TMEM43: variants seen among roughly 807,000 people sequenced by gnomAD.
The protein encoded by TMEM43 is transmembrane protein 43.
Under a neutral mutation model 49.6 loss-of-function variants are expected in TMEM43, and 45 were observed. The ratio of observed to expected loss-of-function variants is 0.91; its 90% CI spans 0.71 to 1.16. The LOEUF is 1.16. TMEM43 is among the 50% of genes most tolerant of loss of function. The probability of loss-of-function intolerance (pLI) is 0.00; values close to 1 mark genes in which losing one functional copy is unlikely to be tolerated. For missense variants in TMEM43, 532 were observed against 516.6 expected (o/e 1.03, Z -0.29); for synonymous variants, 199 against 207.8 (o/e 0.96, Z 0.36).
At position 14,141,910 on chromosome 3, in the gene TMEM43, T is replaced by C. The variant is rs1043943; in HGVS notation, c.*115T>C. On this transcript the variant is annotated 3_prime_UTR_variant, in exon 12 of 12. Transcript: ENST00000306077. ...CCCCGGTCAATTTTGGACTCTGCAC[T>C]CCCTCTCCTCTTCAGGGGCCAGACT... is the stretch of plus-strand genomic sequence containing the variant. 639,600 of 1,027,674 alleles carry C rather than the reference T, an allele frequency of 0.62. 201,380 individuals carry two copies. Among genetic ancestry groups the C allele is most frequent in the African/African-American group, 0.73 (45,810 of 62,560 alleles). 63.7% of individuals were successfully genotyped at this position (1,027,674 alleles called of 1,614,324 possible). A position where few individuals can be genotyped will look rare whatever the true frequency, so the allele number is the denominator to read the frequency against.
At position 14,129,277 on chromosome 3, in the gene TMEM43, CTG is replaced by C. The variant is rs371564726; in HGVS notation, c.13-129_13-128del. The stretch of plus-strand genomic sequence containing the variant: ...ACCTGCCAAACTGTACATTGAATAT[CTG>C]TGTGTTTTTACCACATACAGTTAAA... On this transcript the variant is annotated intron_variant, in intron 1 of 11. Coordinates refer to ENST00000306077, the MANE Select transcript of TMEM43 (RefSeq NM_024334.3). The C allele has an allele frequency of 7.6e-4, 491 of 643,456 alleles. 4 individuals carry two copies. In the African/African-American group the frequency reaches 0.011, roughly 14 times the overall value. 39.9% of individuals were successfully genotyped at this position (643,456 alleles called of 1,614,324 possible).
chr3:14,130,873 G>T lies in TMEM43; in HGVS notation c.214G>T (p.Val72Leu). The T allele has an allele frequency of 6.2e-7, 1 of 1,613,824 alleles. No individual in the cohort carries two copies. The highest frequency in any genetic ancestry group is 8.5e-7 in the Non-Finnish European group (1 of 1,179,846). ...TSLAEGLSLVVSPDSIHSVAP... is the reference protein window; with the variant it reads ...TSLAEGLSLVLSPDSIHSVAP... ...ATTGGCTGAGGGGCTCTCGCTTGTG[G>T]TGTCTCCCGACAGCATCCACAGTGT... The change falls in exon 3 of 12, where the codon GTG becomes TTG. Residue 72 changes from valine (V) to leucine (L), a missense_variant. Physicochemically the swap from Val to Leu is conservative, Grantham distance 32. Transcript: ENST00000306077.
intron 10 of TMEM43, among the ~76,000 whole-genome samples, chr3:14,137,686 C>T (rs1695188130): frequency 6.6e-6 from 1 of 152,236 alleles, no homozygotes; most frequent in Non-Finnish European, 1.5e-5. Context: ...GCACTGCCTC[C>T]CACCTGCTAC....
chr3:14,130,702 G>T (rs878927659), intron 2 of TMEM43, 120 bp from the exon 3 acceptor site: 9 of 1,312,784 alleles, frequency 6.9e-6, no homozygotes, highest in Non-Finnish European at 8.4e-6. Flanking sequence ...CCAACTGTAC[G>T]GTGGGGAGAT....
chr3:14,133,641 A>T, intron 6 of TMEM43, 98 bp from the exon 7 acceptor site: 1 of 1,105,232 alleles, frequency 9.0e-7, no homozygotes, highest in South Asian at 1.2e-5. Flanking sequence ...ACTTGCAGGA[A>T]CCCCCGGGTG....
intron 1 of TMEM43, 23 bp downstream of exon 1, chr3:14,125,228 G>A (rs1574934786): frequency 1.2e-6 from 2 of 1,603,606 alleles, no homozygotes; most frequent in Non-Finnish European, 1.7e-6. Flanking sequence ...GGGCCAGCCG[G>A]GCCACACCCA....
At chr3:14,135,733 G>T in intron 9 of TMEM43, 74 bp from the exon 10 acceptor site, 5 of 1,313,978 alleles carry the variant, frequency 3.8e-6, no homozygotes, top group Non-Finnish European at 5.4e-6. Context: ...AGTCCCGGGA[G>T]GGTGGGCCAT....
intron 11 of TMEM43, among the ~76,000 whole-genome samples, chr3:14,140,352 G>T (rs1419081632): frequency 1.3e-5 from 2 of 152,070 alleles, no homozygotes; most frequent in Non-Finnish European, 2.9e-5. Flanking sequence ...CCCTTCTTTG[G>T]ATCTCTGATG....
intron 1 of TMEM43, 91 bp downstream of exon 1, chr3:14,125,296 T>C: frequency 1.4e-6 from 2 of 1,476,036 alleles, no homozygotes; most frequent in Admixed American, 2.0e-5. Flanking sequence ...TTTCGCCGCC[T>C]GGAGCTCCTC....
At chr3:14,125,960 C>T (rs776365740) in intron 1 of TMEM43, among the ~76,000 whole-genome samples, 1 of 152,148 alleles carries the variant, frequency 6.6e-6, no homozygotes, top group African/African-American at 2.4e-5. Flanking sequence ...TGGTGACTCA[C>T]CTCTCCCCTC....
rs1261766967 is a variant in TMEM43 at position 14,143,586 on chromosome 3, ATAATGT to A, written c.*1795_*1800del. The A allele has an allele frequency of 2.6e-5, 4 of 152,256 alleles. No homozygotes were observed. Among genetic ancestry groups the A allele is most frequent in the Non-Finnish European group, 4.4e-5 (3 of 68,048 alleles). The allele number at this position is 152,256 out of a possible 1,614,324, so 9.4% of individuals were successfully genotyped here. ...TTCAAAAGTGTTCTTAAAACGAAAG[ATAATGT>A]TAAGAAAAATTTGAAAGCTTTGGAA... On this transcript the variant is annotated 3_prime_UTR_variant, in exon 12 of 12. Coordinates refer to ENST00000306077, the MANE Select transcript of TMEM43 (RefSeq NM_024334.3).
intron 10 of TMEM43, 77 bp downstream of exon 10, chr3:14,135,985 C>A (rs1248954603): frequency 8.0e-7 from 1 of 1,250,708 alleles, no homozygotes; most frequent in African/African-American, 1.5e-5. Flanking sequence ...TTAATAAGAT[C>A]ACACTACCAG....
chr3:14,132,698 A>G, intron 5 of TMEM43, 103 bp downstream of exon 5: 2 of 1,448,802 alleles, frequency 1.4e-6, no homozygotes, highest in Non-Finnish European at 1.9e-6. Context: ...ATTCAGCACC[A>G]GGCATCAGGA....
chr3:14,138,618 A>G (rs1559362930), intron 10 of TMEM43, among the ~76,000 whole-genome samples: 1 of 152,104 alleles, frequency 6.6e-6, no homozygotes, highest in Non-Finnish European at 1.5e-5. Flanking sequence ...GAGGCCCGGG[A>G]GAGGGCCAGA....
At chr3:14,134,739 C>T in intron 7 of TMEM43, 31 bp from the exon 8 acceptor site, 7 of 1,613,884 alleles carry the variant, frequency 4.3e-6, no homozygotes, top group Non-Finnish European at 5.1e-6. Context: ...CACCTGGTCC[C>T]CTGGGTTTCT....
At chr3:14,125,466 C>T (rs1017267424) in intron 1 of TMEM43, among the ~76,000 whole-genome samples, 12 of 152,080 alleles carry the variant, frequency 7.9e-5, no homozygotes, top group African/African-American at 2.9e-4. Flanking sequence ...AGGTGTTGCT[C>T]CCGTACTGGG....
intron 10 of TMEM43, chr3:14,136,121 C>T (rs1695166710): frequency 1.5e-6 from 1 of 652,908 alleles, no homozygotes; most frequent in Admixed American, 2.1e-5. Flanking sequence ...TTTGTATATA[C>T]ATAATGAGAT....
At position 14,134,769 on chromosome 3, in the gene TMEM43, G is replaced by A; in HGVS notation, c.584-1G>A. 1 of 1,614,084 alleles carries A rather than the reference G, an allele frequency of 6.2e-7. No individual in the cohort carries two copies. The highest frequency in any genetic ancestry group is 8.5e-7 in the Non-Finnish European group (1 of 1,179,956). ...GTTTCTAACCACTCTGGTCCCCTCA[G>A]GCCTCATCGACAAAGTCGACAACTT... On this transcript the variant is annotated splice_acceptor_variant, in intron 7 of 11. Coordinates refer to ENST00000306077, the MANE Select transcript of TMEM43 (RefSeq NM_024334.3). LOFTEE classifies it high-confidence loss of function.
rs10648308 is a variant in TMEM43 at position 14,129,307 on chromosome 3, T to TAAA, written c.13-80_13-78dup. 988 of 379,886 alleles carry TAAA rather than the reference T, an allele frequency of 2.6e-3. 2 individuals carry two copies. Among genetic ancestry groups the TAAA allele is most frequent in the East Asian group, 4.4e-3 (60 of 13,570 alleles). 23.5% of individuals were successfully genotyped at this position (379,886 alleles called of 1,614,324 possible). A position where few individuals can be genotyped will look rare whatever the true frequency, so the allele number is the denominator to read the frequency against. Reference sequence around the variant, plus strand: ...TGTTTTTACCACATACAGTTAAAACTAAAAAAAAAAAAAAAAAAAAAAAAA... The same window carrying TAAA: ...TGTTTTTACCACATACAGTTAAAACTAAAAAAAAAAAAAAAAAAAAAAAAAAAA... On this transcript the variant is annotated intron_variant, in intron 1 of 11. Transcript: ENST00000306077.
Sources: gnomAD v4.1 joint callset for allele counts (sites outside exome capture counted in the v4.1 genomes callset) on GRCh38, gnomAD v4.1.1 for gene constraint, MANE v1.5 for transcripts, NCBI Gene and HGNC (gene_info 2026-07-23, HGNC 2026-07-21) for gene names.